The following ZNF721 variants were observed in gnomAD, a reference collection of about 807,000 sequenced individuals.
ZNF721 encodes the protein zinc finger protein 721.
A neutral mutation model predicts 2.4 loss-of-function variants in ZNF721; 2 were observed. The ratio of observed to expected loss-of-function variants is 0.82; its 90% confidence interval spans 0.34 to 2.58. The LOEUF (loss-of-function observed/expected upper bound fraction) is 2.58, where lower values mean the gene tolerates loss of function less well. ZNF721 is among the 30% of genes most tolerant of loss of function. The pLI, the probability that ZNF721 is intolerant of heterozygous loss-of-function variation, is 0.11. For synonymous variants in ZNF721, 398 were observed against 381.8 expected (o/e 1.04, Z -0.50); for missense variants, 1,187 against 1,085.5 (o/e 1.09, Z -1.31).
rs1465890661 is a variant in ZNF721 at position 443,003 on chromosome 4, A to G, written c.1464T>C (p.Phe488=). ...CAGTATGAATCCTCTTATGTTTAGC[A>G]AAGCTTGAGGATGAGGTAATGACTT... ...CGKVITSSSS[F]AKHKRIHTGE... is the part of the protein sequence containing the mutation. Residue 488 remains phenylalanine (F), a synonymous_variant, in exon 3 of 3, where the codon TTT becomes TTC. Coordinates refer to ENST00000511833, the MANE Select transcript of ZNF721 (RefSeq NM_133474.4). The G allele has an allele frequency of 1.9e-6, 3 of 1,613,722 alleles. No homozygotes were observed. Among genetic ancestry groups the G allele is most frequent in the African/African-American group, 2.7e-5 (2 of 74,918 alleles).
intron 1 of ZNF721, among the ~76,000 whole-genome samples, chr4:477,467 G>A (rs1560240271): frequency 2.0e-5 from 3 of 151,770 alleles, no homozygotes; most frequent in African/African-American, 4.8e-5. Context: ...CTTGATCCCC[G>A]GACCTCGTGA....
intron 1 of ZNF721, among the ~76,000 whole-genome samples, chr4:498,728 T>TTC (rs1357690210): frequency 4.9e-4 from 71 of 146,208 alleles, no homozygotes; most frequent in African/African-American, 1.6e-3. Context: ...TGAATTTTCT[T>TTC]TTTTTTTTTT....
intron 1 of ZNF721, among the ~76,000 whole-genome samples, chr4:476,312 C>G (rs1371669519): frequency 1.3e-5 from 2 of 152,214 alleles, no homozygotes; most frequent in African/African-American, 4.8e-5. Context: ...ATAGCAGCAA[C>G]TGTATTGGCA....
intron 1 of ZNF721, among the ~76,000 whole-genome samples, chr4:492,947 T>G (rs549059041): frequency 3.9e-5 from 6 of 152,068 alleles, no homozygotes; most frequent in African/African-American, 7.2e-5. Flanking sequence ...CACTTTTTTT[T>G]GGGAAAGGTT....
intron 1 of ZNF721, among the ~76,000 whole-genome samples, chr4:483,851 C>T (rs1484248790): frequency 1.3e-5 from 2 of 152,080 alleles, no homozygotes; most frequent in Admixed American, 6.5e-5. Flanking sequence ...CTTGCTCTGT[C>T]GCCAGGCTGG....
chr4:448,726 A>G (rs1232781677), intron 2 of ZNF721, among the ~76,000 whole-genome samples: 1 of 152,216 alleles, frequency 6.6e-6, no homozygotes, highest in Non-Finnish European at 1.5e-5. Flanking sequence ...ATAATTTGGG[A>G]TAGATATAAA....
At chr4:464,172 A>C (rs1715163184) in intron 2 of ZNF721, among the ~76,000 whole-genome samples, 1 of 152,186 alleles carries the variant, frequency 6.6e-6, no homozygotes, top group Admixed American at 6.5e-5. Flanking sequence ...AAATCAGCAA[A>C]CTTTAAAGTC....
At chr4:498,811 G>A (rs1290302664) in intron 1 of ZNF721, among the ~76,000 whole-genome samples, 1 of 145,772 alleles carries the variant, frequency 6.9e-6, no homozygotes, top group East Asian at 2.1e-4. Flanking sequence ...TGCAACCTCC[G>A]CCTCCCAGGT....
At position 450,959 on chromosome 4, in the gene ZNF721, AT is replaced by A. The variant is rs1714639864; in HGVS notation, c.35-6528del. Among the ~76,000 whole-genome samples the A allele has an allele frequency of 3.5e-3, 77 of 22,128 alleles. 1 individual carries two copies. Among genetic ancestry groups the A allele is most frequent in the Middle Eastern group, 0.033 (1 of 30 alleles). 14.5% of individuals were successfully genotyped at this position (22,128 alleles called of 152,430 possible). ...CTCCAAAAAAAAAAAAAAAAAAAAT[AT>A]ATATATATATATATATATATATATA... On this transcript the variant is annotated intron_variant, in intron 2 of 2. Transcript: ENST00000511833.
chr4:482,541 G>A (rs1193693388), intron 1 of ZNF721, among the ~76,000 whole-genome samples: 2 of 151,684 alleles, frequency 1.3e-5, no homozygotes, highest in Non-Finnish European at 2.9e-5. Context: ...CTGTCACCCA[G>A]GTTGAAGTGA....
intron 2 of ZNF721, among the ~76,000 whole-genome samples, chr4:468,485 T>C (rs142418324): frequency 9.9e-5 from 15 of 152,222 alleles, no homozygotes; most frequent in Non-Finnish European, 1.6e-4. Context: ...TAAACCCATT[T>C]ATACACCTGG....
intron 1 of ZNF721, among the ~76,000 whole-genome samples, chr4:475,079 C>T (rs1347270818): frequency 2.6e-5 from 4 of 151,560 alleles, no homozygotes; most frequent in African/African-American, 9.7e-5. Context: ...CCCAGCTACT[C>T]GGGAGGCTGA....
At chr4:488,583 G>A (rs2108722507) in intron 1 of ZNF721, among the ~76,000 whole-genome samples, 1 of 152,182 alleles carries the variant, frequency 6.6e-6, no homozygotes, top group Admixed American at 6.5e-5. Context: ...TGTGATCCCA[G>A]CACTTTGGGA....
chr4:473,180 A>G (rs139229695), intron 1 of ZNF721, among the ~76,000 whole-genome samples: 1 of 152,262 alleles, frequency 6.6e-6, no homozygotes, highest in Non-Finnish European at 1.5e-5. Flanking sequence ...TCAAGCTTCA[A>G]TGCGCATATC....
At chr4:474,372 C>A (rs1715569860) in intron 1 of ZNF721, among the ~76,000 whole-genome samples, 1 of 152,212 alleles carries the variant, frequency 6.6e-6, no homozygotes, top group Admixed American at 6.5e-5. Context: ...AGGCTTGGCT[C>A]TGCACAGGGT....
At chr4:473,944 C>T (rs782706079) in intron 1 of ZNF721, 13 of 1,503,928 alleles carry the variant, frequency 8.6e-6, no homozygotes, top group Non-Finnish European at 1.2e-5. Flanking sequence ...CTGATGAGGC[C>T]TCCCCAGCCT....
intron 2 of ZNF721, among the ~76,000 whole-genome samples, chr4:447,343 TAAAAC>T (rs1306591391): frequency 3.3e-5 from 5 of 151,500 alleles, no homozygotes; most frequent in African/African-American, 9.7e-5. Context: ...ATAAATAAAA[TAAAAC>T]AAAAAATATA....
At chr4:479,067 C>T (rs1394412164) in intron 1 of ZNF721, among the ~76,000 whole-genome samples, 1 of 152,130 alleles carries the variant, frequency 6.6e-6, no homozygotes, top group Admixed American at 6.5e-5. Context: ...GCGCCCGGCC[C>T]AAGTTAATTT....
intron 1 of ZNF721, among the ~76,000 whole-genome samples, chr4:483,189 T>G (rs1715812723): frequency 1.3e-5 from 2 of 152,212 alleles, no homozygotes; most frequent in Non-Finnish European, 2.9e-5. Flanking sequence ...TATACTATTT[T>G]GGTTACTGTG....
Sources: gnomAD v4.1 joint callset for allele counts (sites outside exome capture counted in the v4.1 genomes callset) on GRCh38, gnomAD v4.1.1 for gene constraint, MANE v1.5 for transcripts, NCBI Gene and HGNC (gene_info 2026-07-23, HGNC 2026-07-21) for gene names.